The following SEMA5B variants were observed in gnomAD, a reference collection of about 807,000 sequenced individuals.
SEMA5B encodes the protein semaphorin 5B.
A neutral mutation model predicts 135.0 loss-of-function variants in SEMA5B; 66 were observed. The observed-to-expected ratio is 0.49, with a 90% confidence interval of 0.40 to 0.60. The LOEUF (loss-of-function observed/expected upper bound fraction) is 0.60, where lower values mean the gene tolerates loss of function less well. SEMA5B is among the 20% of genes least tolerant of loss of function. The pLI is 0.00. For synonymous variants in SEMA5B, 690 were observed against 639.5 expected (o/e 1.08, Z -1.19); for missense variants, 1,501 against 1,566.3 (o/e 0.96, Z 0.70).
At chr3:122,957,805 A>T (rs1464481546) in intron 2 of SEMA5B, among the ~76,000 whole-genome samples, 1 of 151,992 alleles carries the variant, frequency 6.6e-6, no homozygotes, top group African/African-American at 2.4e-5. Context: ...ATAAGCCCAC[A>T]CCCTGGGCTG....
intron 1 of SEMA5B, among the ~76,000 whole-genome samples, chr3:122,986,907 G>GCC (rs886922421): frequency 1.3e-5 from 2 of 152,212 alleles, no homozygotes; most frequent in African/African-American, 4.8e-5. Context: ...GGAGGGCCCG[G>GCC]CCGTGAGCTA....
chr3:122,927,068 T>G (rs1938677050), intron 8 of SEMA5B, among the ~76,000 whole-genome samples: 1 of 152,222 alleles, frequency 6.6e-6, no homozygotes. Context: ...ATCGCAATTT[T>G]CACCATCACT....
chr3:122,912,460 C>A, intron 18 of SEMA5B, 118 bp from the exon 19 acceptor site: 1 of 930,584 alleles, frequency 1.1e-6, no homozygotes, highest in Admixed American at 3.2e-5. Flanking sequence ...AACATCCACC[C>A]GATCCACCCG....
At chr3:122,941,245 A>T (rs1345100938) in intron 4 of SEMA5B, among the ~76,000 whole-genome samples, 3 of 152,208 alleles carry the variant, frequency 2.0e-5, no homozygotes, top group Non-Finnish European at 4.4e-5. Context: ...TGGCTCTAAG[A>T]AGCCTAAGGG....
At chr3:123,018,343 T>C (rs1942606778) in intron 1 of SEMA5B, among the ~76,000 whole-genome samples, 1 of 152,244 alleles carries the variant, frequency 6.6e-6, no homozygotes, top group South Asian at 2.1e-4. Flanking sequence ...AGTATGTTTT[T>C]CCATAGGAAG....
At chr3:122,997,474 G>A (rs1044807996) in intron 1 of SEMA5B, among the ~76,000 whole-genome samples, 1 of 151,876 alleles carries the variant, frequency 6.6e-6, no homozygotes, top group East Asian at 1.9e-4. Flanking sequence ...TGGTTCACAG[G>A]CCAGGAGACT....
chr3:122,998,533 G>A (rs186272724), intron 1 of SEMA5B, among the ~76,000 whole-genome samples: 72 of 152,286 alleles, frequency 4.7e-4, no homozygotes, highest in African/African-American at 1.7e-3. Context: ...GGAAATGGAC[G>A]GAAGGCTGGG....
At chr3:122,955,479 C>A (rs1940251252) in intron 2 of SEMA5B, among the ~76,000 whole-genome samples, 1 of 152,138 alleles carries the variant, frequency 6.6e-6, no homozygotes, top group African/African-American at 2.4e-5. Flanking sequence ...AATTCCTATC[C>A]CATACAGTTT....
chr3:122,936,000 G>A (rs998603694), intron 5 of SEMA5B, among the ~76,000 whole-genome samples: 7 of 152,064 alleles, frequency 4.6e-5, no homozygotes, highest in African/African-American at 9.7e-5. Flanking sequence ...GCCTCTATCC[G>A]CTTTCCATTG....
At chr3:122,911,775 T>A (rs1354066971) in intron 20 of SEMA5B, 145 bp downstream of exon 20, 4 of 1,176,842 alleles carry the variant, frequency 3.4e-6, no homozygotes, top group Non-Finnish European at 4.6e-6. Flanking sequence ...ATATGGGAGT[T>A]TTCTTTCGGC....
intron 2 of SEMA5B, among the ~76,000 whole-genome samples, chr3:122,956,087 G>T (rs1443521028): frequency 6.6e-6 from 1 of 152,240 alleles, no homozygotes; most frequent in Admixed American, 6.5e-5. Flanking sequence ...GCCTTGCCCT[G>T]CCTCGGGCCT....
chr3:122,922,005 A>ATGCGCAGGC lies in SEMA5B; in HGVS notation c.1589_1597dup (p.Ser530_Arg532dup), dbSNP rs772913324. On this transcript the variant is annotated inframe_insertion, in exon 12 of 23. Coordinates refer to ENST00000357599, the MANE Select transcript of SEMA5B (RefSeq NM_001031702.4). ...GAAGAGCGCGCGGGCGCTGTGCAGG[A>ATGCGCAGGC]TGCGCAGGCTGCGCAGGGGCTCGCG... The ATGCGCAGGC allele has an allele frequency of 1.9e-5, 29 of 1,529,528 alleles. 1 individual carries two copies. Among genetic ancestry groups the ATGCGCAGGC allele is most frequent in the Non-Finnish European group, 2.5e-5 (28 of 1,141,002 alleles). The allele number at this position is 1,529,528 out of a possible 1,614,324, so 94.7% of individuals were successfully genotyped here. A position where few individuals can be genotyped will look rare whatever the true frequency, so the allele number is the denominator to read the frequency against.
intron 1 of SEMA5B, among the ~76,000 whole-genome samples, chr3:122,961,603 GT>G (rs1419218563): frequency 3.3e-5 from 5 of 151,996 alleles, no homozygotes; most frequent in Non-Finnish European, 5.9e-5. Context: ...GTGACAACAG[GT>G]TGCACCACCA....
chr3:122,926,344 C>A (rs377669474), intron 9 of SEMA5B, 48 bp downstream of exon 9: 1 of 1,559,172 alleles, frequency 6.4e-7, no homozygotes, highest in Non-Finnish European at 8.7e-7. Context: ...TGAGGCCAGG[C>A]CAGCTCCTGA....
intron 1 of SEMA5B, among the ~76,000 whole-genome samples, chr3:122,974,154 C>T (rs1941229341): frequency 6.6e-6 from 1 of 152,164 alleles, no homozygotes; most frequent in South Asian, 2.1e-4. Context: ...AGGGAGAAGC[C>T]GGCAGGTGGT....
chr3:122,933,521 C>T (rs1328208290), intron 5 of SEMA5B, among the ~76,000 whole-genome samples: 1 of 152,182 alleles, frequency 6.6e-6, no homozygotes, highest in Non-Finnish European at 1.5e-5. Flanking sequence ...GAATTTCACA[C>T]TGATGTGCCT....
chr3:122,995,607 G>T (rs559804538), intron 1 of SEMA5B, among the ~76,000 whole-genome samples: 225 of 152,336 alleles, frequency 1.5e-3, no homozygotes, highest in African/African-American at 5.3e-3. Context: ...GCTTGAGAGG[G>T]AGGCCCTGGG....
Position 122,914,080 on chromosome 3 carries a change from G to A in SEMA5B, c.1989-79C>T, listed in dbSNP as rs1298103362. ...AGATCTAGTCTGTCTCTGGGCCGATGTATTTTCTACTGCTGTCAGAAAGGG... is the reference window on the plus strand; with the variant it reads ...AGATCTAGTCTGTCTCTGGGCCGATATATTTTCTACTGCTGTCAGAAAGGG... On this transcript the variant is annotated intron_variant, in intron 14 of 22. Coordinates refer to ENST00000357599, the MANE Select transcript of SEMA5B (RefSeq NM_001031702.4). 2.8e-6 allele frequency: 4 copies of A among 1,432,818 alleles called. 1 individual carries two copies. In the Admixed American group the frequency reaches 7.4e-5, roughly 26 times the overall value. The allele number at this position is 1,432,818 out of a possible 1,614,324, so 88.8% of individuals were successfully genotyped here.
intron 12 of SEMA5B, among the ~76,000 whole-genome samples, chr3:122,921,472 G>A (rs977726066): frequency 2.6e-5 from 4 of 152,168 alleles, no homozygotes; most frequent in African/African-American, 9.6e-5. Flanking sequence ...GGAAGCAAGA[G>A]GAGCAAAAAC....
Sources: allele counts gnomAD v4.1 joint callset (sites outside exome capture counted in the v4.1 genomes callset), GRCh38; gene constraint gnomAD v4.1.1; transcripts MANE v1.5; gene names NCBI Gene and HGNC (gene_info 2026-07-23, HGNC 2026-07-21).